The following ADCY2 variants were observed in gnomAD, a reference collection of about 807,000 sequenced individuals.
ADCY2 encodes the protein adenylate cyclase 2.
ADCY2 carries 31 observed loss-of-function variants against 125.2 expected under a neutral mutation model. That is an observed-to-expected ratio of 0.25 (90% CI 0.19 to 0.33). The LOEUF (loss-of-function observed/expected upper bound fraction) is 0.33. ADCY2 is among the 10% of genes least tolerant of loss of function. The pLI is 1.00. For missense variants in ADCY2, 904 were observed against 1,418.2 expected, an observed-to-expected ratio of 0.64 and a Z score of 5.82; for synonymous variants, 512 against 548.4, an observed-to-expected ratio of 0.93 and a Z score of 0.93.
chr5:7,583,867 T>TATTC (rs1225030993), intron 3 of ADCY2, among the ~76,000 whole-genome samples: 1 of 152,078 alleles, frequency 6.6e-6, no homozygotes, highest in Non-Finnish European at 1.5e-5. Flanking sequence ...AACTATGAAG[T>TATTC]ATTCATACAC....
At chr5:7,455,141 C>G (rs1247817270) in intron 2 of ADCY2, among the ~76,000 whole-genome samples, 1 of 152,130 alleles carries the variant, frequency 6.6e-6, no homozygotes, top group Non-Finnish European at 1.5e-5. Context: ...GCCATCTTTC[C>G]TAGGTTCTCT....
chr5:7,721,741 T>G (rs1579355658), intron 12 of ADCY2, among the ~76,000 whole-genome samples: 1 of 152,370 alleles, frequency 6.6e-6, no homozygotes, highest in East Asian at 1.9e-4. Flanking sequence ...CTCTGTTCTG[T>G]TCCATTGGTC....
At chr5:7,648,564 T>A (rs1738977842) in intron 4 of ADCY2, among the ~76,000 whole-genome samples, 1 of 152,046 alleles carries the variant, frequency 6.6e-6, no homozygotes, top group Non-Finnish European at 1.5e-5. Flanking sequence ...AAAGCCAGGG[T>A]CTCCTAATGA....
intron 7 of ADCY2, among the ~76,000 whole-genome samples, chr5:7,705,418 G>T (rs1741236214): frequency 6.6e-6 from 1 of 152,258 alleles, no homozygotes; most frequent in Non-Finnish European, 1.5e-5. Flanking sequence ...CCAGCCTAGA[G>T]GGGAGAGAAC....
intron 2 of ADCY2, among the ~76,000 whole-genome samples, chr5:7,417,920 C>A (rs184786004): frequency 6.6e-6 from 1 of 152,320 alleles, no homozygotes; most frequent in East Asian, 1.9e-4. Context: ...TTCATATGTT[C>A]ATTGACAGAT....
chr5:7,425,816 T>C (rs1216568702), intron 2 of ADCY2, among the ~76,000 whole-genome samples: 1 of 152,244 alleles, frequency 6.6e-6, no homozygotes, highest in Non-Finnish European at 1.5e-5. Context: ...ACTATCATGG[T>C]ATTTTTTTCT....
chr5:7,740,248 T>G (rs1742370076), intron 14 of ADCY2, among the ~76,000 whole-genome samples: 1 of 152,018 alleles, frequency 6.6e-6, no homozygotes, highest in African/African-American at 2.4e-5. Flanking sequence ...ATGAAAAGTA[T>G]TCAGCATTTA....
intron 2 of ADCY2, among the ~76,000 whole-genome samples, chr5:7,470,861 G>C (rs954276294): frequency 8.6e-5 from 13 of 151,660 alleles, no homozygotes; most frequent in Non-Finnish European, 1.6e-4. Context: ...TAATTATTCA[G>C]ACAGAGGTGT....
At chr5:7,528,000 G>A (rs868049954) in intron 3 of ADCY2, among the ~76,000 whole-genome samples, 10 of 152,104 alleles carry the variant, frequency 6.6e-5, no homozygotes, top group Middle Eastern at 3.4e-3. Context: ...TTTTCCACAG[G>A]AAAAGAAAAA....
chr5:7,517,557 C>T (rs1241109119), intron 2 of ADCY2, among the ~76,000 whole-genome samples: 3 of 152,092 alleles, frequency 2.0e-5, no homozygotes, highest in Non-Finnish European at 2.9e-5. Context: ...TCCTGCCTGC[C>T]GAACACTCCC....
intron 2 of ADCY2, among the ~76,000 whole-genome samples, chr5:7,420,680 A>G (rs1015089644): frequency 5.9e-5 from 9 of 152,196 alleles, no homozygotes; most frequent in African/African-American, 2.2e-4. Flanking sequence ...TTAAAACAAT[A>G]TAACCTCTGA....
intron 3 of ADCY2, among the ~76,000 whole-genome samples, chr5:7,547,633 C>T (rs769595889): frequency 5.3e-5 from 8 of 152,284 alleles, no homozygotes; most frequent in Non-Finnish European, 7.3e-5. Context: ...TTATCAATGG[C>T]GTGCCTGGCA....
At chr5:7,777,413 AG>A (rs1296809755) in intron 18 of ADCY2, among the ~76,000 whole-genome samples, 1 of 152,236 alleles carries the variant, frequency 6.6e-6, no homozygotes, top group East Asian at 1.9e-4. Flanking sequence ...AATGAACAAA[AG>A]CATGTCATGC....
intron 3 of ADCY2, among the ~76,000 whole-genome samples, chr5:7,550,555 ACC>A (rs2126573092): frequency 6.6e-6 from 1 of 152,234 alleles, no homozygotes; most frequent in South Asian, 2.1e-4. Flanking sequence ...TGTTGTCAGG[ACC>A]CCATGAAATG....
At chr5:7,805,665 C>T (rs1744738755) in intron 22 of ADCY2, among the ~76,000 whole-genome samples, 3 of 152,046 alleles carry the variant, frequency 2.0e-5, no homozygotes, top group South Asian at 4.2e-4. Context: ...GGTTGAGTAC[C>T]ATGTATGAGC....
intron 3 of ADCY2, among the ~76,000 whole-genome samples, chr5:7,530,851 C>A (rs1246828700): frequency 1.3e-5 from 2 of 152,108 alleles, no homozygotes; most frequent in African/African-American, 4.8e-5. Flanking sequence ...GTACCCTCTG[C>A]CCAGAGTGCC....
At chr5:7,731,887 G>A (rs1374620207) in intron 14 of ADCY2, among the ~76,000 whole-genome samples, 1 of 152,206 alleles carries the variant, frequency 6.6e-6, no homozygotes, top group Non-Finnish European at 1.5e-5. Context: ...ACAGGTGTGA[G>A]CCACTATGCC....
chr5:7,729,155 T>A (rs980868005), intron 14 of ADCY2, among the ~76,000 whole-genome samples: 1 of 152,236 alleles, frequency 6.6e-6, no homozygotes, highest in African/African-American at 2.4e-5. Flanking sequence ...TCTTGTTCTG[T>A]GACTTCTTCA....
chr5:7,624,123 A>C (rs1328145458), intron 3 of ADCY2, among the ~76,000 whole-genome samples: 1 of 152,186 alleles, frequency 6.6e-6, no homozygotes, highest in African/African-American at 2.4e-5. Flanking sequence ...ATTTGCATTT[A>C]TTCAGAGAGA....
Sources: gnomAD v4.1 joint callset for allele counts (sites outside exome capture counted in the v4.1 genomes callset) on GRCh38, gnomAD v4.1.1 for gene constraint, MANE v1.5 for transcripts, NCBI Gene and HGNC (gene_info 2026-07-23, HGNC 2026-07-21) for gene names.